Variants in POLR1E observed in about 807,000 individuals in gnomAD.
The protein encoded by POLR1E is DNA-directed RNA polymerase I subunit RPA49.
In POLR1E, 37 loss-of-function variants were observed where a neutral mutation model predicts 50.9. The ratio of observed to expected loss-of-function variants is 0.73; its 90% CI spans 0.56 to 0.96. The LOEUF is 0.96. Among genes scored for constraint, POLR1E ranks in the 40% least tolerant of loss-of-function variants. POLR1E has a pLI of 0.00. For synonymous variants in POLR1E, 166 were observed against 191.6 expected (o/e 0.87, Z 1.10); for missense variants, 426 against 518.1 (o/e 0.82, Z 1.73).
At position 37,498,153 on chromosome 9, in the gene POLR1E, G is replaced by A. The variant is rs556475002; in HGVS notation, c.815G>A (p.Arg272His). The change falls in exon 9 of 12, where the codon CGC becomes CAC. Residue 272 changes from arginine to histidine, a missense_variant. Transcript: ENST00000377798. Reference sequence around the variant, plus strand: ...CCATCAGATGTGGAGAGCCGAGACCGCCAGGCCCGATGCATATGGTTTCTG... The same window carrying A: ...CCATCAGATGTGGAGAGCCGAGACCACCAGGCCCGATGCATATGGTTTCTG... ...SLPSDVESRD[R>H]QARCIWFLDT... The A allele has an allele frequency of 2.9e-5, 46 of 1,613,902 alleles. No individual in the cohort carries two copies. Among genetic ancestry groups the A allele is most frequent in the South Asian group, 1.2e-4 (11 of 91,078 alleles).
chr9:37,492,104 TG>T (rs1043822860), intron 4 of POLR1E, among the ~76,000 whole-genome samples: 1 of 152,120 alleles, frequency 6.6e-6, no homozygotes, highest in African/African-American at 2.4e-5. Flanking sequence ...TTACCAGTGA[TG>T]AAACTGGCAC....
intron 6 of POLR1E, among the ~76,000 whole-genome samples, chr9:37,494,864 G>A (rs1820755200): frequency 6.6e-6 from 1 of 152,150 alleles, no homozygotes; most frequent in South Asian, 2.1e-4. Context: ...CTCACTTTTA[G>A]TTTCTCTCAT....
rs1184547663 is a variant in POLR1E, at chr9:37,495,906, G to A, written c.672G>A (p.Glu224=). ...YKFEDLLSPA[E]YEALQSPSEA... ...TGTAACTAGTTCTTTCCCCTGCGGA[G>A]TATGAAGCTCTTCAGAGCCCATCTG... The change falls in exon 8 of 12, where the codon GAG becomes GAA. Residue 224 remains glutamate (E), a synonymous_variant. Transcript: ENST00000377798. 6.2e-7 allele frequency: 1 copy of A among 1,613,434 alleles called. No individual in the cohort carries two copies.
rs148268220 is a variant in POLR1E at position 37,500,246 on chromosome 9, G to A, written c.887-594G>A. Among the ~76,000 whole-genome samples the A allele has an allele frequency of 7.4e-4, 112 of 150,970 alleles. No individual in the cohort carries two copies. In the East Asian group the frequency reaches 0.017, roughly 23 times the overall value. ...ATTGCCCAGGCTAGGGTGCAGTGGC[G>A]CAATCTTGGCCCACTGCAACCTCTG... On this transcript the variant is annotated intron_variant, in intron 9 of 11. Transcript: ENST00000377798.
At position 37,487,888 on chromosome 9, in the gene POLR1E, A is replaced by T. The variant is rs1006052025; in HGVS notation, c.206A>T (p.Tyr69Phe). 6.2e-7 allele frequency: 1 copy of T among 1,614,180 alleles called. No individual in the cohort carries two copies. The highest frequency in any genetic ancestry group is 8.5e-7 in the Non-Finnish European group (1 of 1,180,012). Residue 69 changes from tyrosine (Y) to phenylalanine (F), a missense_variant, in exon 3 of 12, where the codon TAT becomes TTT. Tyr to Phe is a conservative substitution (Grantham distance 22). Transcript: ENST00000377798. ...ILAAETDRLSYVGNNFGTGAL... is the reference protein window; with the variant it reads ...ILAAETDRLSFVGNNFGTGAL... ...GCAGCTGAAACAGATAGGCTCTCCT[A>T]TGTGGGAAACAATTTTGGGACTGGA...
chr9:37,499,479 G>A (rs918312969), intron 9 of POLR1E, among the ~76,000 whole-genome samples: 9 of 152,094 alleles, frequency 5.9e-5, no homozygotes, highest in Non-Finnish European at 1.3e-4. Context: ...CTGTAATGTG[G>A]GACATGACTG....
intron 9 of POLR1E, among the ~76,000 whole-genome samples, chr9:37,500,523 C>G (rs921551455): frequency 1.4e-4 from 22 of 152,192 alleles, no homozygotes; most frequent in African/African-American, 5.1e-4. Context: ...CCACCTTTCC[C>G]CCTCTCTCCC....
At chr9:37,492,782 C>T in intron 5 of POLR1E, 67 bp downstream of exon 5, 8 of 1,411,896 alleles carry the variant, frequency 5.7e-6, no homozygotes, top group Non-Finnish European at 7.9e-6. Context: ...GTTTCTCCAT[C>T]AGTGAAATGA....
chr9:37,487,934 G>A lies in POLR1E; in HGVS notation c.252G>A (p.Leu84=). The A allele has an allele frequency of 6.2e-7, 1 of 1,614,090 alleles. No homozygotes were observed. Residue 84 remains leucine (L), a synonymous_variant, in exon 3 of 12, where the codon TTG becomes TTA. Transcript: ENST00000377798. ...FGTGALKCNT[L]CRHFVGILNK... ...CTGGAGCCCTCAAATGCAACACTTT[G>A]TGCAGGTAATGGCAGGGGAAGGGAC...
At chr9:37,495,831 T>G in intron 7 of POLR1E, 59 bp from the exon 8 acceptor site, 1 of 1,238,704 alleles carries the variant, frequency 8.1e-7, no homozygotes, top group Non-Finnish European at 1.2e-6. Context: ...TGCTATGAGA[T>G]GACCTAGCTA....
intron 9 of POLR1E, among the ~76,000 whole-genome samples, chr9:37,499,043 T>C (rs1418698820): frequency 6.6e-6 from 1 of 152,222 alleles, no homozygotes; most frequent in Non-Finnish European, 1.5e-5. Flanking sequence ...CATGTTACTA[T>C]ACTGAATATT....
chr9:37,497,837 A>T (rs1320836226), intron 8 of POLR1E, among the ~76,000 whole-genome samples: 1 of 151,962 alleles, frequency 6.6e-6, no homozygotes, highest in African/African-American at 2.4e-5. Flanking sequence ...CAGACAGCTC[A>T]CTGGAGCCTC....
intron 10 of POLR1E, among the ~76,000 whole-genome samples, chr9:37,501,509 G>T (rs1245662464): frequency 1.6e-4 from 24 of 152,218 alleles, no homozygotes; most frequent in African/African-American, 5.5e-4. Context: ...GCCTCAGAGG[G>T]AAACATGGAC....
Position 37,498,236 on chromosome 9 carries a change from A to G in POLR1E, c.886+12A>G. 6.2e-7 allele frequency: 1 copy of G among 1,606,584 alleles called. No homozygotes were observed. The highest frequency in any genetic ancestry group is 8.5e-7 in the Non-Finnish European group (1 of 1,175,558). On this transcript the variant is annotated intron_variant, in intron 9 of 11. Transcript: ENST00000377798. ...AGTTAAGCGGAAAAGTAAGTCTATG[A>G]TAAACATTTTATTCTAATTGTTTCC...
rs188215068 is a variant in POLR1E, at chr9:37,499,636, A to G, written c.887-1204A>G. On this transcript the variant is annotated intron_variant, in intron 9 of 11. Transcript: ENST00000377798. ...AACCTCCATCTCCTGGGTTCAAGCAATTCTGCCTCAGCCTCCCGAGTAGCT... is the reference window on the plus strand; with the variant it reads ...AACCTCCATCTCCTGGGTTCAAGCAGTTCTGCCTCAGCCTCCCGAGTAGCT... Among the ~76,000 whole-genome samples, 183 of 151,770 alleles carry G rather than the reference A, an allele frequency of 1.2e-3. 1 individual carries two copies. Among genetic ancestry groups the G allele is most frequent in the African/African-American group, 4.2e-3 (174 of 41,392 alleles).
At chr9:37,499,988 T>TTATAGGCGCCCGC (rs1820852171) in intron 9 of POLR1E, among the ~76,000 whole-genome samples, 1 of 151,138 alleles carries the variant, frequency 6.6e-6, no homozygotes. Context: ...GTAGCTGGGA[T>TTATAGGCGCCCGC]TATAGGCGCC....
At chr9:37,487,785 C>A in intron 2 of POLR1E, 78 bp from the exon 3 acceptor site, 1 of 1,388,708 alleles carries the variant, frequency 7.2e-7, no homozygotes, top group Non-Finnish European at 1.0e-6. Context: ...AAAGCCTCAG[C>A]AAATGTAGAA....
In POLR1E at chr9:37,503,419, GAAA is replaced by G; in HGVS notation, c.*225_*227del. 2 of 375,382 alleles carry G rather than the reference GAAA, an allele frequency of 5.3e-6. No individual in the cohort carries two copies. The highest frequency in any genetic ancestry group is 4.6e-6 in the Non-Finnish European group (1 of 218,118). 23.3% of individuals were successfully genotyped at this position (375,382 alleles called of 1,614,324 possible). A position where few individuals can be genotyped will look rare whatever the true frequency, so the allele number is the denominator to read the frequency against. ...TAGGGAGACCCCATCTCTACCGGAG[GAAA>G]AAAAAAAGAGTCAGGCCTGGTGGTG... On this transcript the variant is annotated 3_prime_UTR_variant, in exon 12 of 12. Coordinates refer to ENST00000377798, the MANE Select transcript of POLR1E (RefSeq NM_022490.4).
At chr9:37,496,904 A>G (rs756247090) in intron 8 of POLR1E, among the ~76,000 whole-genome samples, 32 of 152,174 alleles carry the variant, frequency 2.1e-4, no homozygotes, top group Non-Finnish European at 4.3e-4. Flanking sequence ...CCTGAAAATA[A>G]TAGTTAGCAT....
Sources: gnomAD v4.1 joint callset for allele counts (sites outside exome capture counted in the v4.1 genomes callset) on GRCh38, gnomAD v4.1.1 for gene constraint, MANE v1.5 for transcripts, NCBI Gene and HGNC (gene_info 2026-07-23, HGNC 2026-07-21) for gene names.